The following FGF12 variants were observed in gnomAD, a reference collection of about 807,000 sequenced individuals.
FGF12 encodes fibroblast growth factor 12, also known as fibroblast growth factor 12B.
In FGF12, 14 loss-of-function variants were observed where a neutral mutation model predicts 23.6. The ratio of observed to expected loss-of-function variants is 0.59; its 90% CI spans 0.39 to 0.93. FGF12 has a LOEUF of 0.93. FGF12 is among the 40% of genes least tolerant of loss of function. The probability of loss-of-function intolerance (pLI) is 0.00; values close to 1 mark genes in which losing one functional copy is unlikely to be tolerated. For missense variants in FGF12, 175 were observed against 217.8 expected, an observed-to-expected ratio of 0.80 and a Z score of 1.24; for synonymous variants, 62 against 77.3, an observed-to-expected ratio of 0.80 and a Z score of 1.04.
At chr3:192,667,608 A>T (rs796747876) in intron 2 of FGF12, among the ~76,000 whole-genome samples, 2 of 18,142 alleles carry the variant, frequency 1.1e-4, no homozygotes, top group African/African-American at 8.1e-4. Flanking sequence ...GAGACTCCGT[A>T]AAAAAAAAAA....
At chr3:192,539,590 T>A (rs1725315213) in intron 2 of FGF12, among the ~76,000 whole-genome samples, 1 of 152,170 alleles carries the variant, frequency 6.6e-6, no homozygotes, top group African/African-American at 2.4e-5. Flanking sequence ...TCAACAGGGA[T>A]ATTGGCCTAT....
Position 192,218,581 on chromosome 3 carries a change from TGA to T in FGF12, c.229-47927_229-47926del, listed in dbSNP as rs759250014. On this transcript the variant is annotated intron_variant, in intron 4 of 5. Coordinates refer to ENST00000445105, the MANE Select transcript of FGF12 (RefSeq NM_004113.6). ...CCCCTTCCTATGTCAACCATAATTG[TGA>T]GTTTCCTGAGGCCTCCCCAGAAGGA... 4.6e-5 allele frequency among the ~76,000 whole-genome samples: 7 copies of T among 152,284 alleles called. No individual in the cohort carries two copies. In the East Asian group the frequency reaches 7.7e-4, roughly 17 times the overall value.
intron 2 of FGF12, among the ~76,000 whole-genome samples, chr3:192,629,005 C>T (rs1447793335): frequency 6.6e-6 from 1 of 152,076 alleles, no homozygotes; most frequent in African/African-American, 2.4e-5. Flanking sequence ...AAACCATTTC[C>T]TCTCTCTGGA....
intron 4 of FGF12, among the ~76,000 whole-genome samples, chr3:192,227,150 G>A (rs545110402): frequency 2.3e-4 from 35 of 152,098 alleles, no homozygotes; most frequent in African/African-American, 7.7e-4. Flanking sequence ...TTGTTACAGC[G>A]GCTCAAACAG....
chr3:192,185,999 C>T (rs1192087799), intron 4 of FGF12, among the ~76,000 whole-genome samples: 2 of 152,150 alleles, frequency 1.3e-5, no homozygotes, highest in Non-Finnish European at 2.9e-5. Flanking sequence ...CATACAATCT[C>T]AAGAAGCCTA....
chr3:192,566,910 G>A (rs1483232606), intron 2 of FGF12, among the ~76,000 whole-genome samples: 2 of 152,140 alleles, frequency 1.3e-5, no homozygotes, highest in South Asian at 2.1e-4. Context: ...AGCAAGAGCC[G>A]GCGGCCTAGA....
intron 2 of FGF12, among the ~76,000 whole-genome samples, chr3:192,399,572 A>T (rs1720671463): frequency 6.6e-6 from 1 of 152,252 alleles, no homozygotes; most frequent in Admixed American, 6.5e-5. Flanking sequence ...TCCTAAAGAC[A>T]TTAACAAAAT....
chr3:192,453,181 T>G (rs1722577823), intron 2 of FGF12, among the ~76,000 whole-genome samples: 3 of 152,196 alleles, frequency 2.0e-5, no homozygotes, highest in Admixed American at 1.3e-4. Flanking sequence ...TTTTCATTTA[T>G]TCTTTCTTTT....
chr3:192,173,432 G>A (rs1185547735), intron 4 of FGF12, among the ~76,000 whole-genome samples: 1 of 140,536 alleles, frequency 7.1e-6, no homozygotes, highest in African/African-American at 2.5e-5. Flanking sequence ...CGAAGGCCTT[G>A]TCTCAATATT....
At chr3:192,645,578 G>A (rs995630625) in intron 2 of FGF12, among the ~76,000 whole-genome samples, 1 of 151,966 alleles carries the variant, frequency 6.6e-6, no homozygotes, top group African/African-American at 2.4e-5. Flanking sequence ...TTCACATAGA[G>A]ATGTCAAGAT....
intron 5 of FGF12, among the ~76,000 whole-genome samples, chr3:192,147,219 C>T (rs1028276588): frequency 6.6e-6 from 1 of 152,162 alleles, no homozygotes; most frequent in Non-Finnish European, 1.5e-5. Context: ...ATTTCTTGAG[C>T]ATTAATTTTC....
intron 4 of FGF12, among the ~76,000 whole-genome samples, chr3:192,275,466 C>T (rs1470978337): frequency 2.6e-5 from 4 of 152,086 alleles, no homozygotes; most frequent in Admixed American, 2.0e-4. Context: ...TTATAGAATG[C>T]AAAATTGCTT....
intron 2 of FGF12, among the ~76,000 whole-genome samples, chr3:192,645,631 G>A (rs771479618): frequency 3.3e-5 from 5 of 152,034 alleles, no homozygotes; most frequent in Non-Finnish European, 7.4e-5. Flanking sequence ...GTCTAGGGGA[G>A]AGATTCCAAG....
chr3:192,459,159 T>A (rs1478211172), intron 2 of FGF12, among the ~76,000 whole-genome samples: 1 of 152,194 alleles, frequency 6.6e-6, no homozygotes, highest in Non-Finnish European at 1.5e-5. Flanking sequence ...GGCTAATACA[T>A]GCAGAGACTT....
In FGF12 at chr3:192,365,262, TAA is replaced by T. The variant is rs5855420; in HGVS notation, c.14-4726_14-4725del. On this transcript the variant is annotated intron_variant, in intron 2 of 5. Coordinates refer to ENST00000445105, the MANE Select transcript of FGF12 (RefSeq NM_004113.6). The stretch of plus-strand genomic sequence containing the variant: ...CCCATACAAGTTAAAAGTAAAAAAT[TAA>T]AAAAAAAAAAAACTATCAATGTCAT... Among the ~76,000 whole-genome samples, 1,241 of 141,988 alleles carry T rather than the reference TAA, an allele frequency of 8.7e-3. 9 individuals are homozygous for T. Among genetic ancestry groups the T allele is most frequent in the African/African-American group, 0.028 (1,109 of 39,290 alleles). 93.1% of individuals were successfully genotyped at this position (141,988 alleles called of 152,430 possible). A position where few individuals can be genotyped will look rare whatever the true frequency, so the allele number is the denominator to read the frequency against.
In FGF12 at chr3:192,144,073, G is replaced by C; in HGVS notation, c.482C>G (p.Ser161Ter). Residue 161 changes from serine to a stop codon, truncating the protein, a stop_gained, in exon 6 of 6, where the codon TCA (serine) becomes TGA (stop). Coordinates refer to ENST00000445105, the MANE Select transcript of FGF12 (RefSeq NM_004113.6). LOFTEE classifies it high-confidence loss of function. ...LHEIGEKQGR[S>*]RKSSGTPTMN... ...GGTTGGTGTTCCAGAACTTTTCCTT[G>C]AACGCCCTTGTTTTTCTCCAATTTC... The C allele has an allele frequency of 6.2e-7, 1 of 1,613,670 alleles. No homozygotes were observed. The highest frequency in any genetic ancestry group is 8.5e-7 in the Non-Finnish European group (1 of 1,179,722).
chr3:192,588,138 G>T (rs1713450404), intron 2 of FGF12, among the ~76,000 whole-genome samples: 1 of 151,302 alleles, frequency 6.6e-6, no homozygotes, highest in Non-Finnish European at 1.5e-5. Flanking sequence ...CAGGTCAGGA[G>T]ACCGAGACCA....
chr3:192,306,452 C>T (rs1344241153), intron 4 of FGF12, among the ~76,000 whole-genome samples: 2 of 152,032 alleles, frequency 1.3e-5, no homozygotes, highest in Non-Finnish European at 2.9e-5. Flanking sequence ...ATAATCACTA[C>T]CAAAAAATTG....
chr3:192,308,549 G>A (rs957977578), intron 4 of FGF12, among the ~76,000 whole-genome samples: 7 of 151,850 alleles, frequency 4.6e-5, no homozygotes, highest in East Asian at 1.9e-4. Flanking sequence ...GCATGGTGGC[G>A]TGTGCCTCTA....
Sources: allele counts gnomAD v4.1 joint callset (sites outside exome capture counted in the v4.1 genomes callset), GRCh38; gene constraint gnomAD v4.1.1; transcripts MANE v1.5; gene names NCBI Gene and HGNC (gene_info 2026-07-23, HGNC 2026-07-21).